The following CUBN variants were observed in gnomAD, a reference collection of about 807,000 sequenced individuals.
The protein encoded by CUBN is cubilin.
A neutral mutation model predicts 405.3 loss-of-function variants in CUBN; 282 were observed. That is an observed-to-expected ratio of 0.70 (90% CI 0.63 to 0.77). The LOEUF is 0.77. CUBN is among the 30% of genes least tolerant of loss of function. The probability of loss-of-function intolerance (pLI) is 0.00; values close to 1 mark genes in which losing one functional copy is unlikely to be tolerated. For synonymous variants in CUBN, 1,684 were observed against 1,617.0 expected, an observed-to-expected ratio of 1.04 and a Z score of -0.99; for missense variants, 4,514 against 4,475.2, an observed-to-expected ratio of 1.01 and a Z score of -0.25.
chr10:16,860,729 C>G (rs1839988781), intron 59 of CUBN, among the ~76,000 whole-genome samples: 1 of 152,242 alleles, frequency 6.6e-6, no homozygotes, highest in Admixed American at 6.5e-5. Flanking sequence ...AGCTGCTTCT[C>G]TCAAATGGAA....
intron 56 of CUBN, among the ~76,000 whole-genome samples, chr10:16,878,203 G>T (rs1190577425): frequency 6.6e-6 from 1 of 152,144 alleles, no homozygotes; most frequent in South Asian, 2.1e-4. Flanking sequence ...CAAGAGAATC[G>T]CTTGAACCTG....
At chr10:17,078,101 C>T (rs1564506218) in intron 17 of CUBN, among the ~76,000 whole-genome samples, 1 of 152,138 alleles carries the variant, frequency 6.6e-6, no homozygotes, top group African/African-American at 2.4e-5. Flanking sequence ...TCATTATCAT[C>T]ATGATGTTAA....
chr10:17,001,297 G>A (rs1192181458), intron 28 of CUBN, among the ~76,000 whole-genome samples: 1 of 152,210 alleles, frequency 6.6e-6, no homozygotes, highest in Non-Finnish European at 1.5e-5. Flanking sequence ...CAACCCCAGT[G>A]GATTGCCACT....
intron 36 of CUBN, among the ~76,000 whole-genome samples, chr10:16,943,501 T>C (rs1218843715): frequency 2.0e-5 from 3 of 152,222 alleles, no homozygotes; most frequent in African/African-American, 7.2e-5. Flanking sequence ...CTTTTGTGTA[T>C]ACATTCAGGC....
rs1841874711 is a variant in CUBN at position 16,916,035 on chromosome 10, AAAAAAT to A, written c.7001-11_7001-6del. The stretch of plus-strand genomic sequence containing the variant: ...GTACTCTTCCCCCACACTGAGCTGC[AAAAAAT>A]AAAAATAAATAAATAAATAAGAAAG... On this transcript the variant is annotated splice_polypyrimidine_tract_variant and splice_region_variant and intron_variant, in intron 45 of 66. Coordinates refer to ENST00000377833, the MANE Select transcript of CUBN (RefSeq NM_001081.4). The A allele has an allele frequency of 6.2e-7, 1 of 1,609,920 alleles. No individual in the cohort carries two copies. Among genetic ancestry groups the A allele is most frequent in the Non-Finnish European group, 8.5e-7 (1 of 1,177,562 alleles).
chr10:16,860,344 G>A (rs1003186572), intron 59 of CUBN, among the ~76,000 whole-genome samples: 2 of 152,118 alleles, frequency 1.3e-5, no homozygotes, highest in African/African-American at 4.8e-5. Context: ...GAAAGCTATG[G>A]AAGTTATACT....
At chr10:17,056,482 G>A (rs954905112) in intron 22 of CUBN, among the ~76,000 whole-genome samples, 8 of 151,896 alleles carry the variant, frequency 5.3e-5, no homozygotes, top group Non-Finnish European at 7.4e-5. Flanking sequence ...GGTGGCGGGC[G>A]CCTGCAGTCC....
intron 10 of CUBN, among the ~76,000 whole-genome samples, chr10:17,108,971 T>A (rs1454325901): frequency 3.3e-5 from 5 of 152,084 alleles, no homozygotes; most frequent in Admixed American, 2.0e-4. Context: ...TCAAAAAGTA[T>A]AAATGAAAAT....
At chr10:16,953,675 G>T (rs886562918) in intron 32 of CUBN, among the ~76,000 whole-genome samples, 1 of 151,958 alleles carries the variant, frequency 6.6e-6, no homozygotes, top group Non-Finnish European at 1.5e-5. Context: ...GGGCAACAGA[G>T]CAGATCCCAT....
intron 36 of CUBN, among the ~76,000 whole-genome samples, chr10:16,942,334 C>T (rs1842673951): frequency 6.6e-6 from 1 of 152,198 alleles, no homozygotes; most frequent in Non-Finnish European, 1.5e-5. Flanking sequence ...AAAATAAAAA[C>T]ACATGACCAA....
intron 31 of CUBN, among the ~76,000 whole-genome samples, chr10:16,960,234 G>T (rs565119413): frequency 6.6e-6 from 1 of 152,348 alleles, no homozygotes; most frequent in South Asian, 2.1e-4. Flanking sequence ...GCTCACGCCT[G>T]TAATCCCAGC....
At chr10:17,035,361 T>C (rs1264276952) in intron 27 of CUBN, among the ~76,000 whole-genome samples, 1 of 152,182 alleles carries the variant, frequency 6.6e-6, no homozygotes, top group African/African-American at 2.4e-5. Context: ...ATTTTAAGGC[T>C]GTGACTAGGG....
At chr10:16,888,916 T>G (rs945992380) in intron 55 of CUBN, among the ~76,000 whole-genome samples, 1 of 152,122 alleles carries the variant, frequency 6.6e-6, no homozygotes, top group African/African-American at 2.4e-5. Context: ...AGATAAAAAA[T>G]GATTTGTATC....
intron 66 of CUBN, among the ~76,000 whole-genome samples, chr10:16,828,595 G>A (rs1457234831): frequency 1.3e-5 from 2 of 152,098 alleles, no homozygotes; most frequent in African/African-American, 2.4e-5. Flanking sequence ...GCAGGCACCT[G>A]TAATCCCAGC....
Position 17,109,655 on chromosome 10 carries a change from A to G in CUBN, c.1096T>C (p.Cys366Arg). The change falls in exon 10 of 67, where the codon TGC (cysteine) becomes CGC (arginine). Residue 366 changes from cysteine to arginine, a missense_variant. Transcript: ENST00000377833. ...SNGGCHPDAS[C>R]SSTLGSLPLC... ...GAGTCATTACCTAGAGTTGAGGAGCATGAGGCATCTGGGTGGCAGCCTCCA... is the reference window on the plus strand; with the variant it reads ...GAGTCATTACCTAGAGTTGAGGAGCGTGAGGCATCTGGGTGGCAGCCTCCA... The G allele has an allele frequency of 6.2e-7, 1 of 1,613,706 alleles. No individual in the cohort carries two copies. Among genetic ancestry groups the G allele is most frequent in the South Asian group, 1.1e-5 (1 of 91,052 alleles).
chr10:16,835,143 C>T lies in CUBN; in HGVS notation c.10233G>A (p.Trp3411Ter), dbSNP rs144484373. The T allele has an allele frequency of 1.7e-5, 28 of 1,613,966 alleles. No homozygotes were observed. Among genetic ancestry groups the T allele is most frequent in the Middle Eastern group, 1.6e-4 (1 of 6,084 alleles). The change falls in exon 64 of 67, where the codon TGG (tryptophan) becomes TGA (stop). Residue 3411 changes from tryptophan to a stop codon, truncating the protein, a stop_gained. Coordinates refer to ENST00000377833, the MANE Select transcript of CUBN (RefSeq NM_001081.4). LOFTEE classifies it high-confidence loss of function. ...KAFGNLRSPG[W>*]PDNYDNDKDC... ...CCTTGTCATTGTCGTAGTTATCTGG[C>T]CATCCAGGGCTTCTCAGGTTGCCAA...
chr10:16,987,415 G>A (rs1833457663), intron 29 of CUBN, among the ~76,000 whole-genome samples: 1 of 152,212 alleles, frequency 6.6e-6, no homozygotes, highest in Non-Finnish European at 1.5e-5. Context: ...CAAAGCCTAT[G>A]GTTTTAATCT....
rs540845675 is a variant in CUBN at position 17,070,210 on chromosome 10, G to A, written c.2625+1216C>T. ...TGTGTTCACTTCTGGACTTGCAATT[G>A]TGTTCCATAGATCTATATTTATATC... On this transcript the variant is annotated intron_variant, in intron 19 of 66. Transcript: ENST00000377833. 5.1e-4 allele frequency among the ~76,000 whole-genome samples: 78 copies of A among 152,260 alleles called. 2 individuals are homozygous for A. The South Asian group carries it at 0.014, about 28-fold the overall frequency.
intron 22 of CUBN, among the ~76,000 whole-genome samples, chr10:17,052,176 T>G (rs1835285666): frequency 6.6e-6 from 1 of 152,136 alleles, no homozygotes; most frequent in East Asian, 1.9e-4. Context: ...GAAAACAGGT[T>G]TAAATATCCA....
Sources: allele counts gnomAD v4.1 joint callset (sites outside exome capture counted in the v4.1 genomes callset), GRCh38; gene constraint gnomAD v4.1.1; transcripts MANE v1.5; gene names NCBI Gene and HGNC (gene_info 2026-07-23, HGNC 2026-07-21).